Variants in THSD7B observed in about 807,000 individuals in gnomAD.
The protein encoded by THSD7B is thrombospondin type-1 domain-containing protein 7B.
THSD7B carries 138 observed loss-of-function variants against 213.6 expected under a neutral mutation model. That is an observed-to-expected ratio of 0.65 (90% confidence interval 0.56 to 0.74). THSD7B has a LOEUF of 0.74. Ranked by LOEUF, THSD7B falls within the 30% of genes least tolerant of loss-of-function variation. The pLI is 0.00. For synonymous variants in THSD7B, 742 were observed against 687.0 expected (o/e 1.08, Z -1.25); for missense variants, 1,931 against 1,991.5 (o/e 0.97, Z 0.58).
Position 136,779,325 on chromosome 2 carries a change from T to C in THSD7B, c.-36+13638T>C, listed in dbSNP as rs931373576. 2.6e-5 allele frequency among the ~76,000 whole-genome samples: 4 copies of C among 152,056 alleles called. No individual in the cohort carries two copies. In the East Asian group the frequency reaches 7.7e-4, roughly 29 times the overall value. The stretch of plus-strand genomic sequence containing the variant: ...TTTCCTTTGGGAAATATGTCCAATT[T>C]ATGACCCAATTTCTCAGGGCACATT... On this transcript the variant is annotated intron_variant, in intron 1 of 27. Coordinates refer to ENST00000409968, the MANE Select transcript of THSD7B (RefSeq NM_001316349.2).
At position 136,990,880 on chromosome 2, in the gene THSD7B, A is replaced by C. The variant is rs997441176; in HGVS notation, c.140-65540A>C. ...ATTCCCTTTAAGAAGTAAAATATTC[A>C]GAGGCGAAACGATGCATAACACAGC... On this transcript the variant is annotated intron_variant, in intron 2 of 27. Coordinates refer to ENST00000409968, the MANE Select transcript of THSD7B (RefSeq NM_001316349.2). 2.2e-6 allele frequency: 3 copies of C among 1,342,454 alleles called. No individual in the cohort carries two copies. The Admixed American group carries it at 6.2e-5, about 28-fold the overall frequency. The allele number at this position is 1,342,454 out of a possible 1,614,324, so 83.2% of individuals were successfully genotyped here. A position where few individuals can be genotyped will look rare whatever the true frequency, so the allele number is the denominator to read the frequency against.
intron 2 of THSD7B, among the ~76,000 whole-genome samples, chr2:136,910,388 G>A (rs1684237365): frequency 6.6e-6 from 1 of 152,092 alleles, no homozygotes; most frequent in South Asian, 2.1e-4. Context: ...TCACATTTGG[G>A]ATTAGTCATT....
At chr2:136,821,852 T>A (rs1435355628) in intron 1 of THSD7B, among the ~76,000 whole-genome samples, 71 of 152,296 alleles carry the variant, frequency 4.7e-4, no homozygotes, top group Non-Finnish European at 1.5e-5. Context: ...TAACTGTGGA[T>A]CTCCTTGCTC....
intron 5 of THSD7B, among the ~76,000 whole-genome samples, chr2:137,119,021 C>A (rs1688495786): frequency 1.3e-5 from 2 of 152,108 alleles, no homozygotes; most frequent in Admixed American, 1.3e-4. Flanking sequence ...AATTATCTCC[C>A]ACTGGGTCCA....
chr2:137,641,211 A>C (rs989241909), intron 20 of THSD7B, among the ~76,000 whole-genome samples: 1 of 152,184 alleles, frequency 6.6e-6, no homozygotes, highest in Non-Finnish European at 1.5e-5. Flanking sequence ...CCTTCTCACT[A>C]ATACTCTCTG....
chr2:137,135,048 C>T (rs549056932), intron 5 of THSD7B, among the ~76,000 whole-genome samples: 1 of 152,162 alleles, frequency 6.6e-6, no homozygotes, highest in African/African-American at 2.4e-5. Flanking sequence ...AACAGCCTTG[C>T]GAGTCTGTTG....
At chr2:136,909,249 A>G (rs1684220005) in intron 2 of THSD7B, among the ~76,000 whole-genome samples, 1 of 152,162 alleles carries the variant, frequency 6.6e-6, no homozygotes, top group Non-Finnish European at 1.5e-5. Flanking sequence ...CACCCAAGGC[A>G]AGGACTGAAA....
chr2:136,992,404 A>T (rs1685802967), intron 2 of THSD7B, among the ~76,000 whole-genome samples: 1 of 152,220 alleles, frequency 6.6e-6, no homozygotes, highest in Admixed American at 6.5e-5. Context: ...GCTATTCCAG[A>T]GGTATATATG....
intron 15 of THSD7B, among the ~76,000 whole-genome samples, chr2:137,509,354 C>T (rs1423085525): frequency 6.8e-6 from 1 of 147,486 alleles, no homozygotes; most frequent in Non-Finnish European, 1.5e-5. Context: ...CTTTCTTTCT[C>T]CTTCCTTCCT....
At chr2:136,961,787 A>G (rs1198691286) in intron 2 of THSD7B, among the ~76,000 whole-genome samples, 1 of 152,242 alleles carries the variant, frequency 6.6e-6, no homozygotes, top group Admixed American at 6.5e-5. Context: ...AGCTTTATAC[A>G]ACCTTCGGTT....
At chr2:137,107,985 C>A (rs933081786) in intron 4 of THSD7B, among the ~76,000 whole-genome samples, 1 of 152,188 alleles carries the variant, frequency 6.6e-6, no homozygotes, top group Non-Finnish European at 1.5e-5. Flanking sequence ...AATGCATTTA[C>A]ATCTTTAAAA....
At chr2:137,141,494 TCA>T (rs36201207) in intron 5 of THSD7B, among the ~76,000 whole-genome samples, 12,038 of 150,030 alleles carry the variant, frequency 0.08, 629 homozygotes, top group African/African-American at 0.14. Context: ...ACACACACAC[TCA>T]CACACACACA....
At chr2:136,782,911 AAAAAC>A (rs1681768772) in intron 1 of THSD7B, among the ~76,000 whole-genome samples, 4 of 152,338 alleles carry the variant, frequency 2.6e-5, no homozygotes, top group African/African-American at 7.2e-5. Flanking sequence ...AAAAAAAAGA[AAAAAC>A]AAAATAGAGG....
intron 12 of THSD7B, among the ~76,000 whole-genome samples, chr2:137,286,754 A>G (rs559635355): frequency 4.6e-5 from 7 of 152,100 alleles, no homozygotes; most frequent in African/African-American, 1.7e-4. Context: ...AGTTTCTTCT[A>G]TTTACTTCGA....
At chr2:136,890,380 TTCCTCTTCC>T (rs1558839997) in intron 2 of THSD7B, among the ~76,000 whole-genome samples, 3 of 2,090 alleles carry the variant, frequency 1.4e-3, no homozygotes, top group African/African-American at 4.5e-3. Context: ...CTTCTTCCTC[TTCCTCTTCC>T]TCTTCCTCTT....
chr2:137,643,125 T>G (rs912556666), intron 21 of THSD7B, among the ~76,000 whole-genome samples: 1 of 152,216 alleles, frequency 6.6e-6, no homozygotes, highest in Admixed American at 6.5e-5. Context: ...CACTACATTT[T>G]CCTCAATGAT....
At chr2:137,562,360 G>A (rs1431812210) in intron 15 of THSD7B, among the ~76,000 whole-genome samples, 1 of 152,052 alleles carries the variant, frequency 6.6e-6, no homozygotes, top group Non-Finnish European at 1.5e-5. Flanking sequence ...CCTAGAAAGA[G>A]CACTGTTCCT....
intron 2 of THSD7B, among the ~76,000 whole-genome samples, chr2:137,026,728 T>C (rs1441065729): frequency 6.6e-6 from 1 of 152,170 alleles, no homozygotes; most frequent in Non-Finnish European, 1.5e-5. Context: ...TTTGCAACAC[T>C]CATACTCTTA....
intron 5 of THSD7B, among the ~76,000 whole-genome samples, chr2:137,134,810 A>G (rs901625896): frequency 6.6e-6 from 1 of 152,148 alleles, no homozygotes; most frequent in Non-Finnish European, 1.5e-5. Context: ...CTCTTAACCA[A>G]GTTCTTTCTA....
Sources: gnomAD v4.1 joint callset for allele counts (sites outside exome capture counted in the v4.1 genomes callset) on GRCh38, gnomAD v4.1.1 for gene constraint, MANE v1.5 for transcripts, NCBI Gene and HGNC (gene_info 2026-07-23, HGNC 2026-07-21) for gene names.